Variants in PTPRJ observed in about 807,000 individuals in gnomAD.
PTPRJ encodes protein tyrosine phosphatase receptor type J.
A neutral mutation model predicts 141.3 loss-of-function variants in PTPRJ; 129 were observed. That is an observed-to-expected ratio of 0.91 (90% confidence interval 0.79 to 1.06). PTPRJ has a LOEUF of 1.06. Among genes scored for constraint, PTPRJ ranks in the 50% least tolerant of loss-of-function variants. The pLI, the probability that PTPRJ is intolerant of heterozygous loss-of-function variation, is 0.00. For synonymous variants in PTPRJ, 610 were observed against 640.5 expected (o/e 0.95, Z 0.72); for missense variants, 1,601 against 1,679.7 (o/e 0.95, Z 0.82).
intron 4 of PTPRJ, among the ~76,000 whole-genome samples, chr11:48,122,519 C>CT (rs962549681): frequency 3.3e-5 from 5 of 152,196 alleles, no homozygotes; most frequent in African/African-American, 1.2e-4. Flanking sequence ...ACCCTGGGGG[C>CT]TGCAGCAGAA....
At position 48,155,794 on chromosome 11, in the gene PTPRJ, G is replaced by A; in HGVS notation, c.3230-7G>A. The A allele has an allele frequency of 6.3e-7, 1 of 1,577,934 alleles. No homozygotes were observed. Among genetic ancestry groups the A allele is most frequent in the South Asian group, 1.1e-5 (1 of 87,590 alleles). On this transcript the variant is annotated splice_polypyrimidine_tract_variant and splice_region_variant and intron_variant, in intron 19 of 24. Coordinates refer to ENST00000418331, the MANE Select transcript of PTPRJ (RefSeq NM_002843.4). ...TAATGGGGACCTTTTTTCTTTTAAT[G>A]TCACAGATGATATTTCCCGTGTCAA...
chr11:48,069,006 AG>A (rs1855159983), intron 1 of PTPRJ, among the ~76,000 whole-genome samples: 5 of 152,218 alleles, frequency 3.3e-5, no homozygotes, highest in Admixed American at 3.3e-4. Flanking sequence ...AGCTCTGGAG[AG>A]GAAGTGATCT....
chr11:48,021,707 T>G (rs1258682856), intron 1 of PTPRJ, among the ~76,000 whole-genome samples: 1 of 152,222 alleles, frequency 6.6e-6, no homozygotes, highest in Non-Finnish European at 1.5e-5. Context: ...CTGACAAAGA[T>G]GCTTTAATAT....
Position 48,136,068 on chromosome 11 carries a change from G to T in PTPRJ, c.1645G>T (p.Val549Phe), listed in dbSNP as rs1857094060. 1 of 1,614,186 alleles carries T rather than the reference G, an allele frequency of 6.2e-7. No homozygotes were observed. The highest frequency in any genetic ancestry group is 1.1e-5 in the South Asian group (1 of 91,080). ...VPSAVFDIHVVYVTTTEMWLD... is the reference protein window; with the variant it reads ...VPSAVFDIHVFYVTTTEMWLD... ...CAGTGCAGTGTTTGACATCCACGTG[G>T]TCTACGTCACCACCACGGAGATGTG... The change falls in exon 9 of 25, where the codon GTC (valine) becomes TTC (phenylalanine). Residue 549 changes from valine (V) to phenylalanine (F), a missense_variant. Physicochemically the swap from Val to Phe is conservative, Grantham distance 50. Transcript: ENST00000418331.
chr11:47,983,707 A>G (rs1853973420), intron 1 of PTPRJ, among the ~76,000 whole-genome samples: 4 of 152,160 alleles, frequency 2.6e-5, no homozygotes, highest in African/African-American at 9.7e-5. Flanking sequence ...GTTTTAGGCA[A>G]TGTGACAAAG....
chr11:48,041,398 A>G (rs547973722), intron 1 of PTPRJ, among the ~76,000 whole-genome samples: 23 of 152,270 alleles, frequency 1.5e-4, no homozygotes, highest in African/African-American at 5.5e-4. Context: ...CATGTGTGCT[A>G]TACAGTTTAT....
At chr11:48,161,599 C>G (rs1857780452) in intron 22 of PTPRJ, among the ~76,000 whole-genome samples, 1 of 149,828 alleles carries the variant, frequency 6.7e-6, no homozygotes, top group African/African-American at 2.5e-5. Flanking sequence ...ATGCTTATTT[C>G]TTTTCTTTTC....
chr11:48,097,699 G>C (rs1386505505), intron 1 of PTPRJ, among the ~76,000 whole-genome samples: 1 of 152,004 alleles, frequency 6.6e-6, no homozygotes, highest in South Asian at 2.1e-4. Flanking sequence ...TGCCAAGCCC[G>C]GCTAAGTTTT....
At chr11:47,986,573 G>A (rs1031629924) in intron 1 of PTPRJ, among the ~76,000 whole-genome samples, 2 of 152,168 alleles carry the variant, frequency 1.3e-5, no homozygotes, top group East Asian at 1.9e-4. Flanking sequence ...CTGGAGTGCA[G>A]TGGCGTGATC....
chr11:48,048,770 G>GA (rs1854475263), intron 1 of PTPRJ, among the ~76,000 whole-genome samples: 1 of 152,004 alleles, frequency 6.6e-6, no homozygotes, highest in Non-Finnish European at 1.5e-5. Flanking sequence ...CTCCAGCCTG[G>GA]GTGACAGAGC....
Position 48,150,139 on chromosome 11 carries a change from A to T in PTPRJ, c.3094A>T (p.Lys1032Ter). Residue 1032 changes from lysine to a stop codon, truncating the protein, a stop_gained, in exon 18 of 25, where the codon AAG becomes TAG. Coordinates refer to ENST00000418331, the MANE Select transcript of PTPRJ (RefSeq NM_002843.4). LOFTEE classifies it high-confidence loss of function. The stretch of plus-strand genomic sequence containing the variant: ...GGAGAATTTTGAGGCCTACTTCAAG[A>T]AGCAGCAAGCTGACTCCAACTGTGG... ...RVENFEAYFK[K>*]QQADSNCGFA... 6.2e-7 allele frequency: 1 copy of T among 1,614,168 alleles called. No homozygotes were observed. The highest frequency in any genetic ancestry group is 8.5e-7 in the Non-Finnish European group (1 of 1,180,010).
chr11:48,131,387 A>G, intron 8 of PTPRJ: 1 of 651,818 alleles, frequency 1.5e-6, no homozygotes, highest in East Asian at 2.8e-5. Context: ...CCAGCCCACA[A>G]ATATATATTT....
chr11:48,092,725 G>A (rs1032338374), intron 1 of PTPRJ, among the ~76,000 whole-genome samples: 1 of 152,068 alleles, frequency 6.6e-6, no homozygotes, highest in African/African-American at 2.4e-5. Context: ...CTACTGCGCC[G>A]GGCTTGAGTT....
intron 1 of PTPRJ, among the ~76,000 whole-genome samples, chr11:47,997,915 C>T (rs145016253): frequency 1.6e-4 from 24 of 152,158 alleles, no homozygotes; most frequent in African/African-American, 5.1e-4. Context: ...GCCTTCCAGC[C>T]GGTGACATTG....
chr11:47,996,259 C>T (rs550324169), intron 1 of PTPRJ, among the ~76,000 whole-genome samples: 4 of 146,212 alleles, frequency 2.7e-5, no homozygotes, highest in South Asian at 2.2e-4. Context: ...GGCGTGAACC[C>T]GGGAGGCGGA....
intron 1 of PTPRJ, among the ~76,000 whole-genome samples, chr11:48,036,890 G>A (rs1023038097): frequency 3.9e-5 from 6 of 152,166 alleles, no homozygotes; most frequent in African/African-American, 1.4e-4. Context: ...GTTTGCTCCA[G>A]AATTGTATTT....
intron 11 of PTPRJ, among the ~76,000 whole-genome samples, chr11:48,140,845 A>C (rs544566470): frequency 6.6e-6 from 1 of 152,210 alleles, no homozygotes; most frequent in Non-Finnish European, 1.5e-5. Context: ...GAGTTATTTT[A>C]TGTCTTCTTT....
At chr11:48,071,684 C>T (rs1182103129) in intron 1 of PTPRJ, among the ~76,000 whole-genome samples, 17 of 146,766 alleles carry the variant, frequency 1.2e-4, no homozygotes, top group Admixed American at 2.1e-4. Flanking sequence ...TCTTGGCTCA[C>T]TGCAACCTCC....
At chr11:48,065,842 G>A (rs1855068314) in intron 1 of PTPRJ, among the ~76,000 whole-genome samples, 1 of 152,210 alleles carries the variant, frequency 6.6e-6, no homozygotes, top group Non-Finnish European at 1.5e-5. Context: ...TGCCAAGTGA[G>A]GTCTGGGATT....
Sources: allele counts gnomAD v4.1 joint callset (sites outside exome capture counted in the v4.1 genomes callset), GRCh38; gene constraint gnomAD v4.1.1; transcripts MANE v1.5; gene names NCBI Gene and HGNC (gene_info 2026-07-23, HGNC 2026-07-21).